Variants in INSIG1 observed in about 807,000 individuals in gnomAD.
INSIG1 encodes insulin induced gene 1, also known as insulin-induced gene 1 protein.
In INSIG1, 14 loss-of-function variants were observed where a neutral mutation model predicts 26.5. The observed-to-expected ratio is 0.53, with a 90% CI of 0.35 to 0.83. The LOEUF is 0.83. Ranked by LOEUF, INSIG1 falls within the 40% of genes least tolerant of loss-of-function variation. The pLI, the probability that INSIG1 is intolerant of heterozygous loss-of-function variation, is 0.01. For synonymous variants in INSIG1, 147 were observed against 153.3 expected, an observed-to-expected ratio of 0.96 and a Z score of 0.30; for missense variants, 272 against 368.9, an observed-to-expected ratio of 0.74 and a Z score of 2.15.
chr7:155,303,765 TG>T, intron 5 of INSIG1: 1 of 944,832 alleles, frequency 1.1e-6, no homozygotes, highest in Non-Finnish European at 1.5e-6. Flanking sequence ...AGATAAGCTC[TG>T]GGAAAACTTA....
Position 155,302,303 on chromosome 7 carries a change from CT to C in INSIG1, c.593del (p.Leu198TrpfsTer20). The part of the protein sequence containing the change: ...VQLSLTLAAL[S>X]LGLWWTFDRS... ...CTGTCCTTGACTTTAGCAGCCCTAT[CT>C]TTGGGCCTTTGGTGGACATTTGATC... is the stretch of plus-strand genomic sequence containing the variant. On this transcript the variant is annotated frameshift_variant, in exon 4 of 6. Coordinates refer to ENST00000340368, the MANE Select transcript of INSIG1 (RefSeq NM_005542.6). LOFTEE classifies it high-confidence loss of function. This position sits in a 1 kb window ranked among gnomAD's most constrained non-coding sequence, Gnocchi z 4.3. 6.2e-7 allele frequency: 1 copy of C among 1,607,032 alleles called. No homozygotes were observed. Among genetic ancestry groups the C allele is most frequent in the Non-Finnish European group, 8.5e-7 (1 of 1,177,056 alleles).
rs762073025 is a variant in INSIG1 at position 155,308,224 on chromosome 7, T to C, written c.805-17T>C. ...GCTAATTTTCTCTTTCCTTTTTTTT[T>C]TCCTTTCTACACATAGGGTGTTCCT... On this transcript the variant is annotated splice_polypyrimidine_tract_variant and intron_variant, in intron 5 of 5. Coordinates refer to ENST00000340368, the MANE Select transcript of INSIG1 (RefSeq NM_005542.6). 1.6e-5 allele frequency: 21 copies of C among 1,335,814 alleles called. No individual in the cohort carries two copies. Among genetic ancestry groups the C allele is most frequent in the Non-Finnish European group, 2.1e-5 (20 of 952,194 alleles). 82.7% of individuals were successfully genotyped at this position (1,335,814 alleles called of 1,614,324 possible). A position where few individuals can be genotyped will look rare whatever the true frequency, so the allele number is the denominator to read the frequency against.
At chr7:155,299,556 A>G (rs1797729259) in intron 2 of INSIG1, among the ~76,000 whole-genome samples, 1 of 152,198 alleles carries the variant, frequency 6.6e-6, no homozygotes, top group African/African-American at 2.4e-5. Flanking sequence ...AGCTGTTGAA[A>G]TGTTAATCCA....
At chr7:155,305,026 G>A (rs1797899913) in intron 5 of INSIG1, among the ~76,000 whole-genome samples, 1 of 150,640 alleles carries the variant, frequency 6.6e-6, no homozygotes, top group Non-Finnish European at 1.5e-5. Context: ...GGCACCTGTA[G>A]TCCCAGCTGC....
At chr7:155,304,285 G>A (rs899343574) in intron 5 of INSIG1, among the ~76,000 whole-genome samples, 12 of 152,128 alleles carry the variant, frequency 7.9e-5, no homozygotes, top group East Asian at 3.9e-4. Context: ...AAATCTGGTC[G>A]GATGGTCCCA....
chr7:155,298,085 A>T (rs1450122304), intron 1 of INSIG1, 126 bp downstream of exon 1: 10 of 445,000 alleles, frequency 2.2e-5, no homozygotes, highest in Non-Finnish European at 3.8e-6. Context: ...GGGGCCGGGG[A>T]TGCTGCTCGC....
rs376787102 is a variant in INSIG1, at chr7:155,308,300, G to A, written c.*30G>A. 5.6e-6 allele frequency: 9 copies of A among 1,612,486 alleles called. No individual in the cohort carries two copies. In the African/African-American group the frequency reaches 1.2e-4, roughly 22 times the overall value. Reference sequence around the variant, plus strand: ...TCAAAACCACCGATTCTGAGAGCAAGGAAGATTTTGGAAGAAAATCTGACT... The same window carrying A: ...TCAAAACCACCGATTCTGAGAGCAAAGAAGATTTTGGAAGAAAATCTGACT... On this transcript the variant is annotated 3_prime_UTR_variant, in exon 6 of 6. Coordinates refer to ENST00000340368, the MANE Select transcript of INSIG1 (RefSeq NM_005542.6).
rs200756620 is a variant in INSIG1, at chr7:155,302,398, G to T, written c.685G>T (p.Val229Leu). The T allele has an allele frequency of 4.4e-6, 7 of 1,598,302 alleles. No individual in the cohort carries two copies. In the South Asian group the frequency reaches 6.9e-5, roughly 16 times the overall value. ...AGCTACGCTGATCACGCAGTTTCTC[G>T]TGTATAATGGTGTCTATCAGTAAGT... The part of the protein sequence containing the change: ...FLATLITQFL[V>L]YNGVYQYTSP... Residue 229 changes from valine (V) to leucine (L), a missense_variant, in exon 4 of 6, where the codon GTG becomes TTG. Coordinates refer to ENST00000340368, the MANE Select transcript of INSIG1 (RefSeq NM_005542.6). This position sits in a 1 kb window ranked among gnomAD's most constrained non-coding sequence, Gnocchi z 4.3.
rs375741830 is a variant in INSIG1 at position 155,301,630 on chromosome 7, A to G, written c.477A>G (p.Arg159=). The G allele has an allele frequency of 6.2e-7, 1 of 1,611,008 alleles. No individual in the cohort carries two copies. The highest frequency in any genetic ancestry group is 1.3e-5 in the African/African-American group (1 of 74,876). The change falls in exon 3 of 6, where the codon AGA becomes AGG. Residue 159 remains arginine (R), a synonymous_variant. Transcript: ENST00000340368. ...TCGGAGAACCCCACAAATTTAAGAG[A>G]GAATGGGCCAGTGTCATGCGCTGCA... ...SHLGEPHKFK[R]EWASVMRCIA...
chr7:155,301,388 A>G (rs1016209829), intron 2 of INSIG1, among the ~76,000 whole-genome samples, 178 bp from the exon 3 acceptor site: 5 of 152,196 alleles, frequency 3.3e-5, no homozygotes, highest in African/African-American at 1.2e-4. Flanking sequence ...AAACAGTACA[A>G]TTTTGTGGGA....
At chr7:155,298,131 C>A in intron 1 of INSIG1, 128 bp from the exon 2 acceptor site, 1 of 672,418 alleles carries the variant, frequency 1.5e-6, no homozygotes, top group Non-Finnish European at 2.2e-6. Flanking sequence ...TGGCCCCGGG[C>A]GGGCGCACGG....
In INSIG1 at chr7:155,302,391, G is replaced by C. The variant is rs567627468; in HGVS notation, c.678G>C (p.Gln226His). ...TIAFLATLIT[Q>H]FLVYNGVYQY... is the part of the protein sequence containing the mutation. ...CTTTTCTAGCTACGCTGATCACGCA[G>C]TTTCTCGTGTATAATGGTGTCTATC... The change falls in exon 4 of 6, where the codon CAG (glutamine) becomes CAC (histidine). Residue 226 changes from glutamine (Q) to histidine (H), a missense_variant. This residue lies in a region of INSIG1 where 111 missense variants were observed against 189.8 expected (regional missense o/e 0.58). Coordinates refer to ENST00000340368, the MANE Select transcript of INSIG1 (RefSeq NM_005542.6). This position sits in a 1 kb window ranked among gnomAD's most constrained non-coding sequence, Gnocchi z 4.3. 6.6e-5 allele frequency: 106 copies of C among 1,607,546 alleles called. No individual in the cohort carries two copies. The highest frequency in any genetic ancestry group is 8.7e-5 in the Non-Finnish European group (102 of 1,177,790).
In INSIG1 at chr7:155,308,525, T is replaced by G; in HGVS notation, c.*255T>G. 1 of 493,362 alleles carries G rather than the reference T, an allele frequency of 2.0e-6. No individual in the cohort carries two copies. The highest frequency in any genetic ancestry group is 3.7e-6 in the Non-Finnish European group (1 of 269,520). 30.6% of individuals were successfully genotyped at this position (493,362 alleles called of 1,614,324 possible). On this transcript the variant is annotated 3_prime_UTR_variant, in exon 6 of 6. Transcript: ENST00000340368. ...GAGCATTCTGCCCAGGCTACGTGGG[T>G]TCAGGCAGGTGGCAGCTTCCCAAGT...
rs1797990937 is a variant in INSIG1 at position 155,308,294 on chromosome 7, G to A, written c.*24G>A. The A allele has an allele frequency of 6.2e-7, 1 of 1,612,882 alleles. No individual in the cohort carries two copies. Among genetic ancestry groups the A allele is most frequent in the South Asian group, 1.1e-5 (1 of 91,058 alleles). On this transcript the variant is annotated 3_prime_UTR_variant, in exon 6 of 6. Transcript: ENST00000340368. Reference sequence around the variant, plus strand: ...GAGTCTTCAAAACCACCGATTCTGAGAGCAAGGAAGATTTTGGAAGAAAAT... The same window carrying A: ...GAGTCTTCAAAACCACCGATTCTGAAAGCAAGGAAGATTTTGGAAGAAAAT...
intron 5 of INSIG1, chr7:155,304,008 C>G (rs1410332266): frequency 2.5e-6 from 1 of 398,822 alleles, no homozygotes; most frequent in Non-Finnish European, 4.3e-6. Flanking sequence ...TGAGACAGAG[C>G]TCTGGAGTGC....
At chr7:155,301,940 A>AAT (rs200771702) in intron 3 of INSIG1, among the ~76,000 whole-genome samples, 107,292 of 144,230 alleles carry the variant, frequency 0.74, 40,436 homozygotes, top group African/African-American at 0.85. Flanking sequence ...TATATTTTTA[A>AAT]ATATATATAA....
At chr7:155,307,902 A>G (rs12535901) in intron 5 of INSIG1, among the ~76,000 whole-genome samples, 23,067 of 152,156 alleles carry the variant, frequency 0.15, 1,987 homozygotes, top group South Asian at 0.33. Context: ...TTATATAGAT[A>G]TTAATTTAGT....
rs1797809576 is a variant in INSIG1 at position 155,302,229 on chromosome 7, T to G, written c.538-22T>G. ...ATCTTAATAAGAGTCAGCAAACTTT[T>G]CCTTAACTTTTATATCACCAGAAAT... On this transcript the variant is annotated intron_variant, in intron 3 of 5. Coordinates refer to ENST00000340368, the MANE Select transcript of INSIG1 (RefSeq NM_005542.6). The surrounding 1 kb of genome is among the most constrained non-coding windows in gnomAD (Gnocchi z 4.3). The G allele has an allele frequency of 6.5e-7, 1 of 1,532,728 alleles. No individual in the cohort carries two copies. The highest frequency in any genetic ancestry group is 8.8e-7 in the Non-Finnish European group (1 of 1,142,794). The allele number at this position is 1,532,728 out of a possible 1,614,324, so 94.9% of individuals were successfully genotyped here. A position where few individuals can be genotyped will look rare whatever the true frequency, so the allele number is the denominator to read the frequency against.
chr7:155,304,376 T>C (rs576255854), intron 5 of INSIG1, among the ~76,000 whole-genome samples: 2 of 152,384 alleles, frequency 1.3e-5, no homozygotes, highest in South Asian at 2.1e-4. Context: ...AACTCCATCA[T>C]TGCTTTCTTG....
Sources: allele counts gnomAD v4.1 joint callset (sites outside exome capture counted in the v4.1 genomes callset), GRCh38; gene constraint gnomAD v4.1.1; regional missense constraint gnomAD v4.1.1; non-coding constraint Gnocchi (gnomAD v3.1); transcripts MANE v1.5; gene names NCBI Gene and HGNC (gene_info 2026-07-23, HGNC 2026-07-21).